TMCO4: variants seen among roughly 807,000 people sequenced by gnomAD.
TMCO4 encodes the protein transmembrane and coiled-coil domains 4.
Under a neutral mutation model 64.7 loss-of-function variants are expected in TMCO4, and 58 were observed. That is an observed-to-expected ratio of 0.90 (90% CI 0.73 to 1.12). The LOEUF (loss-of-function observed/expected upper bound fraction) is 1.12. Among genes scored for constraint, TMCO4 ranks in the 50% most tolerant of loss-of-function variants. TMCO4 has a pLI of 0.00. For missense variants in TMCO4, 780 were observed against 825.9 expected (o/e 0.94, Z 0.68); for synonymous variants, 325 against 346.1 (o/e 0.94, Z 0.68).
chr1:19,694,562 G>A lies in TMCO4; in HGVS notation c.1383-11C>T, dbSNP rs142007328. 5.4e-4 allele frequency: 865 copies of A among 1,612,264 alleles called. 7 individuals carry two copies. In the East Asian group the frequency reaches 0.018, roughly 34 times the overall value. ...AGCAGCCAGTCTCCCCTGTGGGAGG[G>A]TAGAGAAGCATGTGAACATTAGCAC... On this transcript the variant is annotated splice_polypyrimidine_tract_variant and intron_variant, in intron 14 of 15. Coordinates refer to ENST00000294543, the MANE Select transcript of TMCO4 (RefSeq NM_181719.7).
rs1437929629 is a variant in TMCO4, at chr1:19,734,030, A to G, written c.1264+3342T>C. 1.3e-5 allele frequency among the ~76,000 whole-genome samples: 2 copies of G among 152,236 alleles called. No homozygotes were observed. Among genetic ancestry groups the G allele is most frequent in the South Asian group, 2.1e-4 (1 of 4,832 alleles). On this transcript the variant is annotated intron_variant, in intron 13 of 15. Transcript: ENST00000294543. The surrounding 1 kb of genome is among the most constrained non-coding windows in gnomAD (Gnocchi z 4.4). ...GGTGCATGAAAACGCAGTGTATTCCATAAGTGTGTGCTGTGTGGTTACTAC... is the reference window on the plus strand; with the variant it reads ...GGTGCATGAAAACGCAGTGTATTCCGTAAGTGTGTGCTGTGTGGTTACTAC...
intron 4 of TMCO4, among the ~76,000 whole-genome samples, chr1:19,776,065 A>G (rs962189864): frequency 6.6e-6 from 1 of 151,978 alleles, no homozygotes; most frequent in Admixed American, 6.6e-5. Context: ...ATACCACCAC[A>G]TCCGGCTAAT....
In TMCO4 at chr1:19,682,968, G is replaced by A; in HGVS notation, c.*72C>T. On this transcript the variant is annotated 3_prime_UTR_variant, in exon 16 of 16. Transcript: ENST00000294543. ...AAATCCTGTACCTCCAGAGCTCCTG[G>A]GAGGAACCCGAGGGTATAAGAGAGA... The A allele has an allele frequency of 6.6e-7, 1 of 1,509,818 alleles. No individual in the cohort carries two copies. Among genetic ancestry groups the A allele is most frequent in the Non-Finnish European group, 8.9e-7 (1 of 1,127,660 alleles). 93.5% of individuals were successfully genotyped at this position (1,509,818 alleles called of 1,614,324 possible).
chr1:19,724,726 G>A (rs2095401148), intron 13 of TMCO4, among the ~76,000 whole-genome samples: 1 of 152,118 alleles, frequency 6.6e-6, no homozygotes. Flanking sequence ...TTGAACTGAT[G>A]TTTCTAGACT....
intron 2 of TMCO4, among the ~76,000 whole-genome samples, chr1:19,795,098 A>G (rs992740071): frequency 6.6e-6 from 1 of 152,150 alleles, no homozygotes; most frequent in Admixed American, 6.5e-5. Flanking sequence ...TATACTTGAC[A>G]TTACTGAACT....
chr1:19,756,551 G>A lies in TMCO4; in HGVS notation c.383-785C>T, dbSNP rs118168566. ...ATGCTGTATTTATAATATGAAATTG[G>A]AAACAACCTGGAGATTTCCAACATC... is the stretch of plus-strand genomic sequence containing the variant. On this transcript the variant is annotated intron_variant, in intron 6 of 15. Transcript: ENST00000294543. 1.6e-3 allele frequency among the ~76,000 whole-genome samples: 245 copies of A among 152,258 alleles called. 4 individuals are homozygous for A. The East Asian group carries it at 0.033, about 21-fold the overall frequency.
chr1:19,780,665 G>A lies in TMCO4; in HGVS notation c.94C>T (p.Arg32Trp), dbSNP rs779603374. The change falls in exon 4 of 16, where the codon CGG becomes TGG. Residue 32 changes from arginine to tryptophan, a missense_variant. By Grantham distance (101) the Arg-to-Trp change is moderately radical. Coordinates refer to ENST00000294543, the MANE Select transcript of TMCO4 (RefSeq NM_181719.7). ...AAGCGGTTGGCCTCAGTCAGCTCCC[G>A]GCCCGTGGGCAGGTGTGGCTCCCCC... ...AEGEPHLPTG[R>W]ELTEANRFAY... 11 of 1,613,996 alleles carry A rather than the reference G, an allele frequency of 6.8e-6. No individual in the cohort carries two copies. Among genetic ancestry groups the A allele is most frequent in the Admixed American group, 1.7e-5 (1 of 59,994 alleles).
At chr1:19,750,415 G>A (rs2041976796) in intron 7 of TMCO4, 1 of 152,230 alleles carries the variant, frequency 6.6e-6, no homozygotes, top group Admixed American at 6.5e-5. Context: ...GCTCTGCCAT[G>A]AACTTGCTGG....
intron 13 of TMCO4, among the ~76,000 whole-genome samples, chr1:19,703,574 G>C (rs1472584759): frequency 4.6e-5 from 6 of 129,986 alleles, no homozygotes; most frequent in Non-Finnish European, 1.6e-5. Context: ...TTTTTTGACA[G>C]AGTCTCACTC....
intron 7 of TMCO4, 43 bp from the exon 8 acceptor site, chr1:19,747,303 G>A: frequency 1.3e-6 from 2 of 1,547,248 alleles, no homozygotes; most frequent in Non-Finnish European, 1.8e-6. Context: ...CTGTGCCCAG[G>A]ATCCCTTGAG....
At chr1:19,772,915 C>T (rs1028028932) in intron 4 of TMCO4, among the ~76,000 whole-genome samples, 3 of 152,178 alleles carry the variant, frequency 2.0e-5, no homozygotes, top group South Asian at 2.1e-4. Flanking sequence ...CTCAGCCGGG[C>T]GCAGTGGCTC....
At chr1:19,726,362 T>C (rs1017906470) in intron 13 of TMCO4, among the ~76,000 whole-genome samples, 2 of 151,670 alleles carry the variant, frequency 1.3e-5, no homozygotes, top group African/African-American at 2.4e-5. Flanking sequence ...TCTGGGCAAA[T>C]CCCTTCGGCT....
At chr1:19,786,240 A>G (rs2043737631) in intron 3 of TMCO4, among the ~76,000 whole-genome samples, 1 of 152,154 alleles carries the variant, frequency 6.6e-6, no homozygotes, top group African/African-American at 2.4e-5. Context: ...CTGGTGACAG[A>G]GCAAGACCCT....
At chr1:19,755,452 C>G (rs920747204) in intron 7 of TMCO4, among the ~76,000 whole-genome samples, 182 bp downstream of exon 7, 2 of 152,120 alleles carry the variant, frequency 1.3e-5, no homozygotes, top group Admixed American at 1.3e-4. Context: ...AGTCAGAGGC[C>G]CAGAGAGGGC....
intron 2 of TMCO4, among the ~76,000 whole-genome samples, chr1:19,788,313 C>G (rs1023289812): frequency 6.6e-6 from 1 of 152,136 alleles, no homozygotes; most frequent in Non-Finnish European, 1.5e-5. Flanking sequence ...TTACAGATAT[C>G]AGAGACTTTT....
intron 6 of TMCO4, among the ~76,000 whole-genome samples, chr1:19,768,532 C>CA (rs1461711283): frequency 2.0e-5 from 3 of 152,182 alleles, no homozygotes; most frequent in Admixed American, 6.5e-5. Context: ...GCCCCAAACT[C>CA]AGAGTCCAGT....
intron 2 of TMCO4, among the ~76,000 whole-genome samples, chr1:19,794,096 C>T (rs2044188083): frequency 6.6e-6 from 1 of 152,112 alleles, no homozygotes; most frequent in South Asian, 2.1e-4. Context: ...CTCCTCCCTG[C>T]AGCTCCTGGA....
chr1:19,718,337 A>T (rs577517564), intron 13 of TMCO4, among the ~76,000 whole-genome samples: 1 of 151,302 alleles, frequency 6.6e-6, no homozygotes, highest in African/African-American at 2.4e-5. Context: ...TCCATCTCAA[A>T]ATAAATAAAT....
intron 13 of TMCO4, among the ~76,000 whole-genome samples, chr1:19,713,129 A>G (rs538303996): frequency 3.3e-5 from 5 of 152,306 alleles, no homozygotes; most frequent in South Asian, 2.1e-4. Context: ...CTATGGGCCA[A>G]TGCAAGTCAC....
Sources: allele counts gnomAD v4.1 joint callset (sites outside exome capture counted in the v4.1 genomes callset), GRCh38; gene constraint gnomAD v4.1.1; non-coding constraint Gnocchi (gnomAD v3.1); transcripts MANE v1.5; gene names NCBI Gene and HGNC (gene_info 2026-07-23, HGNC 2026-07-21).